CRPPA: variants seen among roughly 807,000 people sequenced by gnomAD.
The protein encoded by CRPPA is D-ribitol-5-phosphate cytidylyltransferase.
Under a neutral mutation model 52.0 loss-of-function variants are expected in CRPPA, and 43 were observed. The observed-to-expected ratio is 0.83, with a 90% confidence interval of 0.65 to 1.07. The LOEUF (loss-of-function observed/expected upper bound fraction) is 1.07. Ranked by LOEUF, CRPPA falls within the 50% of genes least tolerant of loss-of-function variation. The pLI is 0.00. For missense variants in CRPPA, 629 were observed against 551.7 expected (o/e 1.14, Z -1.40); for synonymous variants, 250 against 203.5 (o/e 1.23, Z -1.94).
chr7:16,219,174 A>G (rs1310096862), intron 8 of CRPPA, among the ~76,000 whole-genome samples: 1 of 151,912 alleles, frequency 6.6e-6, no homozygotes, highest in Non-Finnish European at 1.5e-5. Flanking sequence ...AAACTGAACA[A>G]CCTGCTCCTG....
intron 9 of CRPPA, among the ~76,000 whole-genome samples, chr7:16,119,822 A>T (rs1320796935): frequency 6.6e-6 from 1 of 152,224 alleles, no homozygotes; most frequent in Non-Finnish European, 1.5e-5. Context: ...ATAAATCTGA[A>T]ATGCCAGGAA....
intron 2 of CRPPA, among the ~76,000 whole-genome samples, chr7:16,399,692 A>T (rs188143360): frequency 6.6e-6 from 1 of 152,018 alleles, no homozygotes; most frequent in Non-Finnish European, 1.5e-5. Flanking sequence ...GTGACACGTG[A>T]GCAACACGTG....
intron 9 of CRPPA, among the ~76,000 whole-genome samples, chr7:16,174,746 A>G (rs1183993288): frequency 6.6e-6 from 1 of 152,178 alleles, no homozygotes; most frequent in African/African-American, 2.4e-5. Context: ...GGAATTCTGT[A>G]AAGATAAGTC....
chr7:16,140,661 T>G (rs1782852350), intron 9 of CRPPA, among the ~76,000 whole-genome samples: 1 of 152,180 alleles, frequency 6.6e-6, no homozygotes, highest in South Asian at 2.1e-4. Flanking sequence ...TAGAAAGCCC[T>G]TTCTAATTCA....
At chr7:16,146,802 T>C (rs1782983138) in intron 9 of CRPPA, among the ~76,000 whole-genome samples, 1 of 152,094 alleles carries the variant, frequency 6.6e-6, no homozygotes. Flanking sequence ...AGCATACCAC[T>C]ATAAAAACTC....
intron 8 of CRPPA, among the ~76,000 whole-genome samples, chr7:16,252,464 C>A (rs1045656289): frequency 6.6e-6 from 1 of 152,094 alleles, no homozygotes; most frequent in African/African-American, 2.4e-5. Flanking sequence ...TGGGCAAAAA[C>A]TGGAAGCATT....
At chr7:16,418,959 C>T (rs768799041) in intron 1 of CRPPA, among the ~76,000 whole-genome samples, 12 of 152,162 alleles carry the variant, frequency 7.9e-5, no homozygotes, top group African/African-American at 1.9e-4. Flanking sequence ...TAGCTAATTA[C>T]CACGCAGATA....
At chr7:16,204,322 G>A (rs1341103807) in intron 9 of CRPPA, among the ~76,000 whole-genome samples, 2 of 152,072 alleles carry the variant, frequency 1.3e-5, no homozygotes, top group African/African-American at 4.8e-5. Flanking sequence ...CTGAGATTTT[G>A]CAGCAATATG....
At chr7:16,355,008 C>T (rs1359356220) in intron 3 of CRPPA, among the ~76,000 whole-genome samples, 1 of 152,110 alleles carries the variant, frequency 6.6e-6, no homozygotes, top group African/African-American at 2.4e-5. Flanking sequence ...TATTCTTTAA[C>T]CTTTTCATAT....
chr7:16,178,543 T>C (rs1781350014), intron 9 of CRPPA, among the ~76,000 whole-genome samples: 1 of 152,152 alleles, frequency 6.6e-6, no homozygotes, highest in Non-Finnish European at 1.5e-5. Flanking sequence ...TTATATATTA[T>C]TATCAAAAAC....
At chr7:16,347,959 A>G (rs956555381) in intron 3 of CRPPA, among the ~76,000 whole-genome samples, 3 of 152,108 alleles carry the variant, frequency 2.0e-5, no homozygotes. Flanking sequence ...AAGCACTTCC[A>G]GGGGCCTCAT....
At chr7:16,300,346 C>A (rs996308007) in intron 5 of CRPPA, among the ~76,000 whole-genome samples, 1 of 152,012 alleles carries the variant, frequency 6.6e-6, no homozygotes, top group Non-Finnish European at 1.5e-5. Context: ...TTTTCTACTT[C>A]GAAAAAAGTT....
chr7:16,174,490 T>C (rs907094345), intron 9 of CRPPA, among the ~76,000 whole-genome samples: 1 of 152,188 alleles, frequency 6.6e-6, no homozygotes, highest in Non-Finnish European at 1.5e-5. Context: ...ACCATGGGTG[T>C]AGTTTGCTGA....
chr7:16,140,752 A>G (rs1190687064), intron 9 of CRPPA, among the ~76,000 whole-genome samples: 1 of 152,194 alleles, frequency 6.6e-6, no homozygotes, highest in Non-Finnish European at 1.5e-5. Flanking sequence ...TCTCCTGTAT[A>G]TCTTTTCCAG....
intron 9 of CRPPA, among the ~76,000 whole-genome samples, chr7:16,098,605 C>G (rs1237042252): frequency 6.6e-6 from 1 of 152,088 alleles, no homozygotes. Context: ...TATACACATC[C>G]CTATCTCTGT....
intron 8 of CRPPA, among the ~76,000 whole-genome samples, chr7:16,247,565 T>C (rs1243880552): frequency 6.6e-6 from 1 of 152,052 alleles, no homozygotes; most frequent in African/African-American, 2.4e-5. Flanking sequence ...CCATAGCAGA[T>C]ATAATAAAGA....
chr7:16,194,636 G>A (rs986548467), intron 9 of CRPPA, among the ~76,000 whole-genome samples: 2 of 152,098 alleles, frequency 1.3e-5, no homozygotes, highest in Admixed American at 6.6e-5. Context: ...TTATTTTGCT[G>A]TATTGCTTTA....
intron 3 of CRPPA, among the ~76,000 whole-genome samples, chr7:16,316,625 G>A (rs1486549988): frequency 2.6e-5 from 4 of 152,014 alleles, no homozygotes; most frequent in Admixed American, 2.6e-4. Context: ...ACTTTGAGAG[G>A]CCAAGGTGGG....
intron 9 of CRPPA, among the ~76,000 whole-genome samples, chr7:16,124,918 G>C (rs1782546964): frequency 6.6e-6 from 1 of 151,786 alleles, no homozygotes; most frequent in South Asian, 2.1e-4. Context: ...GAAAGAGGAA[G>C]ACAAAAAAGA....
Sources: gnomAD v4.1 joint callset for allele counts (sites outside exome capture counted in the v4.1 genomes callset) on GRCh38, gnomAD v4.1.1 for gene constraint, MANE v1.5 for transcripts, NCBI Gene and HGNC (gene_info 2026-07-23, HGNC 2026-07-21) for gene names.